The following NRXN1 variants were observed in gnomAD, a reference collection of about 807,000 sequenced individuals.
NRXN1 encodes the protein neurexin-1.
NRXN1 carries 39 observed loss-of-function variants against 150.9 expected under a neutral mutation model. That is an observed-to-expected ratio of 0.26 (90% CI 0.20 to 0.34). The LOEUF is 0.34. Among genes scored for constraint, NRXN1 ranks in the 10% least tolerant of loss-of-function variants. The probability of loss-of-function intolerance (pLI) is 1.00; values close to 1 mark genes in which losing one functional copy is unlikely to be tolerated. For synonymous variants in NRXN1, 924 were observed against 757.0 expected (o/e 1.22, Z -3.62); for missense variants, 1,815 against 1,949.9 (o/e 0.93, Z 1.30).
chr2:50,480,583 T>C (rs2104779398), intron 15 of NRXN1, among the ~76,000 whole-genome samples: 1 of 152,296 alleles, frequency 6.6e-6, no homozygotes, highest in Non-Finnish European at 1.5e-5. Context: ...TGCTCTGCTC[T>C]AGTGAGTTTG....
intron 8 of NRXN1, among the ~76,000 whole-genome samples, chr2:50,596,506 A>C (rs1675228924): frequency 6.6e-6 from 1 of 152,172 alleles, no homozygotes; most frequent in African/African-American, 2.4e-5. Context: ...ATTTGCCAAA[A>C]CTGCTGGACT....
rs2085473426 is a variant in NRXN1 at position 50,436,645 on chromosome 2, G to C, written c.3364+28797C>G. On this transcript the variant is annotated intron_variant, in intron 17 of 22. Transcript: ENST00000401669. Reference sequence around the variant, plus strand: ...TTGAAAGTGTGACTTTTCAGAACAAGGAGATGAGTAGCAGAACCAGTCATG... The same window carrying C: ...TTGAAAGTGTGACTTTTCAGAACAACGAGATGAGTAGCAGAACCAGTCATG... Among the ~76,000 whole-genome samples, 3 of 152,170 alleles carry C rather than the reference G, an allele frequency of 2.0e-5. No individual in the cohort carries two copies. The South Asian group carries it at 6.2e-4, about 31-fold the overall frequency.
At chr2:50,720,672 G>T (rs1265043955) in intron 5 of NRXN1, among the ~76,000 whole-genome samples, 1 of 152,170 alleles carries the variant, frequency 6.6e-6, no homozygotes, top group African/African-American at 2.4e-5. Flanking sequence ...CAGTTTCTCT[G>T]AGATCTCCTG....
At chr2:50,518,587 G>C (rs911800024) in intron 12 of NRXN1, among the ~76,000 whole-genome samples, 1 of 151,770 alleles carries the variant, frequency 6.6e-6, no homozygotes, top group African/African-American at 2.4e-5. Flanking sequence ...TGAGCATTTG[G>C]ATATTTACAA....
intron 17 of NRXN1, among the ~76,000 whole-genome samples, chr2:50,438,143 G>A (rs1052475101): frequency 1.1e-4 from 16 of 152,164 alleles, no homozygotes; most frequent in African/African-American, 3.9e-4. Flanking sequence ...CCCAGGTCAT[G>A]GCCAGGAGTT....
At chr2:50,966,008 T>C (rs1226902911) in intron 2 of NRXN1, among the ~76,000 whole-genome samples, 1 of 151,630 alleles carries the variant, frequency 6.6e-6, no homozygotes, top group Non-Finnish European at 1.5e-5. Flanking sequence ...TCCTTAAAGT[T>C]GCACCTTAGT....
intron 21 of NRXN1, among the ~76,000 whole-genome samples, chr2:49,978,700 G>C (rs951623245): frequency 1.5e-5 from 1 of 67,514 alleles, no homozygotes; most frequent in Non-Finnish European, 2.9e-5. Flanking sequence ...GCCATAAAAA[G>C]AAAAGAGAGG....
intron 5 of NRXN1, among the ~76,000 whole-genome samples, chr2:50,798,454 T>C (rs1220861919): frequency 6.6e-6 from 1 of 152,188 alleles, no homozygotes; most frequent in Non-Finnish European, 1.5e-5. Context: ...ACTTTATATG[T>C]GTATCTCTGA....
intron 17 of NRXN1, among the ~76,000 whole-genome samples, chr2:50,391,355 G>A (rs1471099410): frequency 7.2e-5 from 11 of 151,884 alleles, no homozygotes; most frequent in Non-Finnish European, 4.4e-5. Context: ...AAAGCCTATA[G>A]AGCAAAATTT....
At chr2:49,968,138 CA>C (rs113639817) in intron 21 of NRXN1, among the ~76,000 whole-genome samples, 44,826 of 137,474 alleles carry the variant, frequency 0.33, 7,015 homozygotes, top group South Asian at 0.44. Flanking sequence ...TCCATCCCAC[CA>C]AAAAAAAAAA....
At chr2:50,255,263 T>A (rs1559181497) in intron 17 of NRXN1, among the ~76,000 whole-genome samples, 1 of 152,116 alleles carries the variant, frequency 6.6e-6, no homozygotes, top group Non-Finnish European at 1.5e-5. Flanking sequence ...TTTGGCCAAT[T>A]AAATTTAACA....
chr2:50,737,373 G>A (rs181026898), intron 5 of NRXN1, among the ~76,000 whole-genome samples: 1 of 152,152 alleles, frequency 6.6e-6, no homozygotes, highest in East Asian at 1.9e-4. Context: ...GAACTCTTAT[G>A]GTACTGTTTA....
At chr2:50,973,191 T>G (rs755057312) in intron 2 of NRXN1, among the ~76,000 whole-genome samples, 1 of 152,114 alleles carries the variant, frequency 6.6e-6, no homozygotes, top group Non-Finnish European at 1.5e-5. Context: ...GAGGCTGACT[T>G]GAAACTTTAA....
chr2:50,720,062 T>C (rs1696430652), intron 5 of NRXN1, among the ~76,000 whole-genome samples: 1 of 152,200 alleles, frequency 6.6e-6, no homozygotes, highest in Non-Finnish European at 1.5e-5. Context: ...GTAACACATT[T>C]TCAGCCTGCA....
intron 21 of NRXN1, among the ~76,000 whole-genome samples, chr2:50,010,900 A>G (rs565181895): frequency 8.5e-5 from 13 of 152,296 alleles, no homozygotes; most frequent in African/African-American, 3.1e-4. Context: ...AAAAATGTCT[A>G]CATGAAACAT....
intron 13 of NRXN1, among the ~76,000 whole-genome samples, chr2:50,499,715 A>AG (rs2091844187): frequency 6.6e-6 from 1 of 150,794 alleles, no homozygotes; most frequent in Non-Finnish European, 1.5e-5. Context: ...TGGGAGGCCT[A>AG]GGGGGGCAGA....
intron 8 of NRXN1, among the ~76,000 whole-genome samples, chr2:50,584,374 C>T (rs952108435): frequency 2.6e-5 from 4 of 152,146 alleles, no homozygotes; most frequent in African/African-American, 9.7e-5. Flanking sequence ...TACTTTTCTT[C>T]CATGCACCCC....
intron 17 of NRXN1, among the ~76,000 whole-genome samples, chr2:50,449,344 G>A (rs1573014401): frequency 2.0e-5 from 3 of 152,158 alleles, no homozygotes; most frequent in African/African-American, 7.2e-5. Flanking sequence ...TCCAAAAGAC[G>A]ACATTATTTC....
chr2:50,129,071 T>C (rs1705071441), intron 18 of NRXN1, among the ~76,000 whole-genome samples: 1 of 152,136 alleles, frequency 6.6e-6, no homozygotes, highest in African/African-American at 2.4e-5. Context: ...CTCAAGGTGG[T>C]AAAACTCAAG....
Sources: gnomAD v4.1 joint callset for allele counts (sites outside exome capture counted in the v4.1 genomes callset) on GRCh38, gnomAD v4.1.1 for gene constraint, MANE v1.5 for transcripts, NCBI Gene and HGNC (gene_info 2026-07-23, HGNC 2026-07-21) for gene names.